Variants in TMEM232 observed in about 807,000 individuals in gnomAD.
The protein encoded by TMEM232 is transmembrane protein 232.
In TMEM232, 80 loss-of-function variants were observed where a neutral mutation model predicts 78.8. The ratio of observed to expected loss-of-function variants is 1.01; its 90% CI spans 0.85 to 1.22. The LOEUF (loss-of-function observed/expected upper bound fraction) is 1.22. TMEM232 is among the 50% of genes most tolerant of loss of function. The pLI is 0.00. For missense variants in TMEM232, 881 were observed against 742.2 expected, an observed-to-expected ratio of 1.19 and a Z score of -2.17; for synonymous variants, 297 against 254.3, an observed-to-expected ratio of 1.17 and a Z score of -1.60.
chr5:110,713,369 T>C (rs562001026), intron 1 of TMEM232, among the ~76,000 whole-genome samples: 2 of 152,240 alleles, frequency 1.3e-5, no homozygotes, highest in South Asian at 4.1e-4. Context: ...TCAATAATAA[T>C]TTAATTATAA....
intron 1 of TMEM232, among the ~76,000 whole-genome samples, chr5:110,692,672 G>C (rs780224023): frequency 6.6e-6 from 1 of 152,216 alleles, no homozygotes; most frequent in Non-Finnish European, 1.5e-5. Context: ...CTGGCGCAGA[G>C]GGTCTTACAC....
At chr5:110,470,205 CCTT>C in intron 12 of TMEM232, among the ~76,000 whole-genome samples, 1 of 152,238 alleles carries the variant, frequency 6.6e-6, no homozygotes, top group Admixed American at 6.5e-5. Context: ...ATCTAGAAAA[CCTT>C]CTCTTCCCCA....
At chr5:110,723,530 T>C (rs1797861317) in intron 1 of TMEM232, among the ~76,000 whole-genome samples, 1 of 152,188 alleles carries the variant, frequency 6.6e-6, no homozygotes, top group Admixed American at 6.6e-5. Context: ...AGACTCTAAA[T>C]GAGTATCCTG....
In TMEM232 at chr5:110,732,748, T is replaced by C. The variant is rs138344219; in HGVS notation, c.-13+2155A>G. Reference sequence around the variant, plus strand: ...GAACCATATCAGATACCTCTCTTCATGTTGCCAAATATTTAGAGTTCTCAT... The same window carrying C: ...GAACCATATCAGATACCTCTCTTCACGTTGCCAAATATTTAGAGTTCTCAT... On this transcript the variant is annotated intron_variant, in intron 2 of 4. Transcript: ENST00000512886. Among the ~76,000 whole-genome samples, 856 of 152,342 alleles carry C rather than the reference T, an allele frequency of 5.6e-3. 5 individuals are homozygous for C. The highest frequency in any genetic ancestry group is 0.019 in the African/African-American group (805 of 41,586).
At chr5:110,621,581 G>A (rs1783754898) in intron 7 of TMEM232, among the ~76,000 whole-genome samples, 1 of 151,822 alleles carries the variant, frequency 6.6e-6, no homozygotes, top group Non-Finnish European at 1.5e-5. Context: ...GTAATGGTTT[G>A]GAAATTTAAA....
intron 1 of TMEM232, among the ~76,000 whole-genome samples, chr5:110,691,389 T>A (rs75126523): frequency 0.01 from 1,525 of 152,342 alleles, 14 homozygotes; most frequent in African/African-American, 0.034. Flanking sequence ...AAACTGCTAA[T>A]GTGATGAATG....
chr5:110,632,518 T>C (rs1268458644), intron 5 of TMEM232, among the ~76,000 whole-genome samples: 1 of 151,780 alleles, frequency 6.6e-6, no homozygotes, highest in Non-Finnish European at 1.5e-5. Context: ...AAAAAACAAT[T>C]TAAGATATGA....
intron 12 of TMEM232, among the ~76,000 whole-genome samples, chr5:110,514,543 T>C (rs999976022): frequency 2.6e-5 from 4 of 152,136 alleles, no homozygotes; most frequent in Non-Finnish European, 4.4e-5. Flanking sequence ...TGTATAGCTT[T>C]TTAATTTTTA....
chr5:110,524,615 G>A (rs1026416244), intron 12 of TMEM232, among the ~76,000 whole-genome samples: 3 of 152,120 alleles, frequency 2.0e-5, no homozygotes, highest in African/African-American at 4.8e-5. Flanking sequence ...GAGTGTGTAT[G>A]CTGCTGCTGT....
intron 10 of TMEM232, among the ~76,000 whole-genome samples, chr5:110,598,410 G>T (rs184745472): frequency 1.3e-5 from 2 of 152,158 alleles, no homozygotes; most frequent in Non-Finnish European, 2.9e-5. Flanking sequence ...TACACTGTTG[G>T]TGGGACTGTA....
chr5:110,507,932 A>G (rs1055731554), intron 12 of TMEM232, among the ~76,000 whole-genome samples: 2 of 152,178 alleles, frequency 1.3e-5, no homozygotes, highest in African/African-American at 4.8e-5. Context: ...CTTTTTTTCT[A>G]TGATTTACTT....
At chr5:110,585,128 G>GT (rs1177128601) in intron 10 of TMEM232, among the ~76,000 whole-genome samples, 1 of 152,112 alleles carries the variant, frequency 6.6e-6, no homozygotes, top group Non-Finnish European at 1.5e-5. Flanking sequence ...TTAAGTAGGT[G>GT]AAGACCTTTA....
At chr5:110,591,372 C>T (rs1206305232) in intron 10 of TMEM232, among the ~76,000 whole-genome samples, 1 of 152,040 alleles carries the variant, frequency 6.6e-6, no homozygotes, top group Non-Finnish European at 1.5e-5. Flanking sequence ...GAATGAGAAT[C>T]GCTTGATACT....
chr5:110,402,934 A>G (rs1194153879), intron 2 of TMEM232, among the ~76,000 whole-genome samples: 1 of 152,094 alleles, frequency 6.6e-6, no homozygotes, highest in African/African-American at 2.4e-5. Context: ...AATGACCACT[A>G]CAGAAGCTGT....
upstream of TMEM232, chr5:110,738,376 A>T (rs1286901915): frequency 3.4e-6 from 2 of 585,024 alleles, no homozygotes; most frequent in Non-Finnish European, 4.6e-6. Flanking sequence ...ACAGAAAACT[A>T]TAGTTTCTTT....
Position 110,646,779 on chromosome 5 carries a change from C to T in TMEM232, c.126-4408G>A, listed in dbSNP as rs543134761. ...CGAATTGATAGAAAATACTTGCAAA[C>T]CATGTATCTGAGAAGGTGCTAATAT... On this transcript the variant is annotated intron_variant, in intron 2 of 13. Transcript: ENST00000455884. 3.1e-3 allele frequency among the ~76,000 whole-genome samples: 469 copies of T among 151,798 alleles called. 3 individuals are homozygous for T. Among genetic ancestry groups the T allele is most frequent in the African/African-American group, 0.011 (446 of 41,470 alleles).
chr5:110,728,076 A>T (rs1202582913), upstream of TMEM232, among the ~76,000 whole-genome samples: 1 of 152,164 alleles, frequency 6.6e-6, no homozygotes, highest in Non-Finnish European at 1.5e-5. Flanking sequence ...AAAAAGGAAT[A>T]AAAGGAAGGC....
At chr5:110,529,200 C>T (rs12520171) in intron 11 of TMEM232, among the ~76,000 whole-genome samples, 9,160 of 151,650 alleles carry the variant, frequency 0.06, 592 homozygotes, top group East Asian at 0.26. Context: ...TTAAATCAGA[C>T]TTTTTTTTAA....
Position 110,406,056 on chromosome 5 carries a change from C to A in TMEM232, n.309-8202G>T, listed in dbSNP as rs372463469. Among the ~76,000 whole-genome samples the A allele has an allele frequency of 9.9e-5, 15 of 151,896 alleles. No homozygotes were observed. In the South Asian group the frequency reaches 2.1e-3, roughly 21 times the overall value. ...AGAAACATTATATACAAAGAAACAG[C>A]TACAGGAATTATGACTGACTTCTCA... On this transcript the variant is annotated intron_variant and non_coding_transcript_variant, in intron 2 of 8. Coordinates refer to the TMEM232 transcript ENST00000507188.
Sources: allele counts gnomAD v4.1 joint callset (sites outside exome capture counted in the v4.1 genomes callset), GRCh38; gene constraint gnomAD v4.1.1; transcripts MANE v1.5; gene names NCBI Gene and HGNC (gene_info 2026-07-23, HGNC 2026-07-21).